Variants in UTP20 observed in about 807,000 individuals in gnomAD.
UTP20 encodes UTP20 small subunit processome component, also known as small subunit processome component 20 homolog.
Under a neutral mutation model 329.5 loss-of-function variants are expected in UTP20, and 164 were observed. That is an observed-to-expected ratio of 0.50 (90% CI 0.44 to 0.57). The LOEUF (loss-of-function observed/expected upper bound fraction) is 0.57. UTP20 is among the 20% of genes least tolerant of loss of function. The probability of loss-of-function intolerance (pLI) is 0.00; values close to 1 mark genes in which losing one functional copy is unlikely to be tolerated. For missense variants in UTP20, 3,055 were observed against 3,284.2 expected (o/e 0.93, Z 1.71); for synonymous variants, 1,151 against 1,159.3 (o/e 0.99, Z 0.14).
Position 101,385,997 on chromosome 12 carries a change from G to GA in UTP20, c.8239dup (p.Met2747AsnfsTer7). 1 of 1,600,424 alleles carries GA rather than the reference G, an allele frequency of 6.2e-7. No homozygotes were observed. The highest frequency in any genetic ancestry group is 8.5e-7 in the Non-Finnish European group (1 of 1,174,484). ...TAACTAATCCTGATATTGCTGCCAA[G>GA]AAAAAAATGAAGAAACACAAAAATA... is the stretch of plus-strand genomic sequence containing the variant. On this transcript the variant is annotated frameshift_variant, in exon 62 of 62. Coordinates refer to ENST00000261637, the MANE Select transcript of UTP20 (RefSeq NM_014503.3). LOFTEE classifies it high-confidence loss of function.
At chr12:101,377,332 T>C (rs1311104007) in intron 56 of UTP20, among the ~76,000 whole-genome samples, 1 of 152,022 alleles carries the variant, frequency 6.6e-6, no homozygotes, top group African/African-American at 2.4e-5. Flanking sequence ...AAACCCACAT[T>C]ATAAAACTTT....
rs1406794433 is a variant in UTP20, at chr12:101,286,425, T to C, written c.431T>C (p.Leu144Ser). 5.0e-6 allele frequency: 8 copies of C among 1,614,018 alleles called. No homozygotes were observed. In the East Asian group the frequency reaches 1.8e-4, roughly 36 times the overall value. The change falls in exon 5 of 62, where the codon TTG (leucine) becomes TCG (serine). Residue 144 changes from leucine (L) to serine (S), a missense_variant. Physicochemically the swap from Leu to Ser is moderately radical, Grantham distance 145. This residue lies in a region of UTP20 where 2,445 missense variants were observed against 2,575.5 expected (regional missense o/e 0.95). Transcript: ENST00000261637. ...ATCCTGGAGACTCAGGACACAGAGT[T>C]GTTAGAATGGGCTTTCACCTCGTTA... is the stretch of plus-strand genomic sequence containing the variant. The part of the protein sequence containing the change: ...TSILETQDTE[L>S]LEWAFTSLSY...
intron 10 of UTP20, 100 bp downstream of exon 10, chr12:101,292,204 C>A: frequency 1.5e-6 from 2 of 1,297,328 alleles, no homozygotes; most frequent in Non-Finnish European, 2.1e-6. Context: ...AGGCTCTGCC[C>A]TCAAGGAATT....
In UTP20 at chr12:101,308,734, G is replaced by GTTTTTT. The variant is rs34029914; in HGVS notation, c.2154+401_2154+406dup. ...CTGCTGCAGAACATCAGCTCTCTAT[G>GTTTTTT]TTTTTTTTTTTTTTTGGAGATGGAG... On this transcript the variant is annotated intron_variant, in intron 18 of 61. Transcript: ENST00000261637. 2.1e-5 allele frequency among the ~76,000 whole-genome samples: 3 copies of GTTTTTT among 144,116 alleles called. 1 individual carries two copies. The highest frequency in any genetic ancestry group is 4.6e-5 in the Non-Finnish European group (3 of 65,430). 94.5% of individuals were successfully genotyped at this position (144,116 alleles called of 152,430 possible).
intron 14 of UTP20, among the ~76,000 whole-genome samples, chr12:101,301,989 C>T (rs537063106): frequency 2.6e-5 from 4 of 152,234 alleles, no homozygotes; most frequent in South Asian, 2.1e-4. Context: ...GGCAGTGGCA[C>T]GATCATGGCT....
chr12:101,379,498 C>CA lies in UTP20; in HGVS notation c.7530dup (p.His2511ThrfsTer14). On this transcript the variant is annotated frameshift_variant, in exon 57 of 62. Coordinates refer to ENST00000261637, the MANE Select transcript of UTP20 (RefSeq NM_014503.3). LOFTEE classifies it high-confidence loss of function. ...TTCAAAAATGGAATACCAAAAAGAC[C>CA]AAAAAACACCTCCCAGAACCTGTAG... The CA allele has an allele frequency of 6.2e-7, 1 of 1,613,916 alleles. No individual in the cohort carries two copies. The highest frequency in any genetic ancestry group is 8.5e-7 in the Non-Finnish European group (1 of 1,179,936).
intron 18 of UTP20, among the ~76,000 whole-genome samples, chr12:101,308,559 T>C (rs1190413184): frequency 6.6e-6 from 1 of 152,138 alleles, no homozygotes; most frequent in Admixed American, 6.5e-5. Flanking sequence ...GTTTCAGGCA[T>C]GAGCCACTGT....
intron 57 of UTP20, among the ~76,000 whole-genome samples, chr12:101,380,815 G>C (rs1870620384): frequency 7.0e-6 from 1 of 142,370 alleles, no homozygotes; most frequent in East Asian, 2.1e-4. Context: ...AGTGAGCCGA[G>C]ATCACTCCAG....
chr12:101,311,838 GTTGT>G (rs747417328), intron 20 of UTP20, 40 bp downstream of exon 20: 15 of 1,585,366 alleles, frequency 9.5e-6, no homozygotes, highest in South Asian at 9.3e-5. Flanking sequence ...AAGAAAAGTG[GTTGT>G]TTAACTGTTT....
Position 101,294,546 on chromosome 12 carries a change from T to C in UTP20, c.1252-934T>C, listed in dbSNP as rs543468133. On this transcript the variant is annotated intron_variant, in intron 11 of 61. Transcript: ENST00000261637. ...TTGTATACATTCTCGTTTTTCTTTT[T>C]TTTTTTTTTTTGTCGAGACATAGTC... 1.3e-3 allele frequency among the ~76,000 whole-genome samples: 193 copies of C among 150,284 alleles called. 1 individual carries two copies. The highest frequency in any genetic ancestry group is 0.011 in the Admixed American group (169 of 15,120).
At chr12:101,345,892 C>T (rs577862077) in intron 37 of UTP20, among the ~76,000 whole-genome samples, 198 bp downstream of exon 37, 1 of 152,218 alleles carries the variant, frequency 6.6e-6, no homozygotes, top group South Asian at 2.1e-4. Flanking sequence ...TATCACAAAC[C>T]ACAGTTAATA....
At chr12:101,374,725 A>G in intron 54 of UTP20, 83 bp from the exon 55 acceptor site, 3 of 745,664 alleles carry the variant, frequency 4.0e-6, no homozygotes, top group Non-Finnish European at 6.9e-6. Context: ...GTTGAGGACA[A>G]AATAATGCCC....
Position 101,375,769 on chromosome 12 carries a change from T to C in UTP20, c.7396+13T>C. On this transcript the variant is annotated intron_variant, in intron 56 of 61. Coordinates refer to ENST00000261637, the MANE Select transcript of UTP20 (RefSeq NM_014503.3). ...AGTAAAATCTGGAGTAAGTATTTCC[T>C]TTTTTATTTAAATCAAACACATTTG... The C allele has an allele frequency of 6.7e-7, 1 of 1,490,526 alleles. No homozygotes were observed. Among genetic ancestry groups the C allele is most frequent in the South Asian group, 1.2e-5 (1 of 82,122 alleles). 92.3% of individuals were successfully genotyped at this position (1,490,526 alleles called of 1,614,324 possible). A position where few individuals can be genotyped will look rare whatever the true frequency, so the allele number is the denominator to read the frequency against.
At chr12:101,350,404 A>G (rs1487308739) in intron 38 of UTP20, among the ~76,000 whole-genome samples, 1 of 152,130 alleles carries the variant, frequency 6.6e-6, no homozygotes, top group African/African-American at 2.4e-5. Flanking sequence ...TGATCCTCCC[A>G]CATTGGCCTC....
At chr12:101,338,309 G>A in intron 30 of UTP20, 32 bp downstream of exon 30, 1 of 1,597,384 alleles carries the variant, frequency 6.3e-7, no homozygotes, top group Non-Finnish European at 8.6e-7. Context: ...ATAATTCTTA[G>A]ACTTCTGCTG....
chr12:101,283,689 A>G (rs547129453), intron 2 of UTP20, among the ~76,000 whole-genome samples: 20 of 152,342 alleles, frequency 1.3e-4, no homozygotes, highest in African/African-American at 4.8e-4. Context: ...AAAGGACATG[A>G]AAACAACAAC....
At chr12:101,328,935 G>A (rs1226562696) in intron 26 of UTP20, among the ~76,000 whole-genome samples, 1 of 151,684 alleles carries the variant, frequency 6.6e-6, no homozygotes, top group Non-Finnish European at 1.5e-5. Context: ...TTGAGGGATA[G>A]TGTAAAGAAA....
intron 26 of UTP20, 40 bp from the exon 27 acceptor site, chr12:101,329,201 T>A: frequency 1.3e-6 from 2 of 1,531,390 alleles, no homozygotes; most frequent in Non-Finnish European, 1.8e-6. Flanking sequence ...CAAACTAATA[T>A]GTTACCTTAC....
rs1196731857 is a variant in UTP20, at chr12:101,342,440, C to A, written c.4102-6C>A. 6.3e-7 allele frequency: 1 copy of A among 1,588,814 alleles called. No individual in the cohort carries two copies. Among genetic ancestry groups the A allele is most frequent in the South Asian group, 1.2e-5 (1 of 85,630 alleles). ...AATATGATTTCTCTGATTATTTCTT[C>A]TCAAGGATACAGAGGTTGATATTCT... On this transcript the variant is annotated splice_region_variant and splice_polypyrimidine_tract_variant and intron_variant, in intron 32 of 61. Transcript: ENST00000261637.
Sources: allele counts gnomAD v4.1 joint callset (sites outside exome capture counted in the v4.1 genomes callset), GRCh38; gene constraint gnomAD v4.1.1; regional missense constraint gnomAD v4.1.1; transcripts MANE v1.5; gene names NCBI Gene and HGNC (gene_info 2026-07-23, HGNC 2026-07-21).